The following INPP4B variants were observed in gnomAD, a reference collection of about 807,000 sequenced individuals.
INPP4B encodes the protein inositol polyphosphate-4-phosphatase type II B.
INPP4B carries 55 observed loss-of-function variants against 122.5 expected under a neutral mutation model. That is an observed-to-expected ratio of 0.45 (90% CI 0.36 to 0.56). The LOEUF (loss-of-function observed/expected upper bound fraction) is 0.56, where lower values mean the gene tolerates loss of function less well. Ranked by LOEUF, INPP4B falls within the 20% of genes least tolerant of loss-of-function variation. The probability of loss-of-function intolerance (pLI) is 0.00; values close to 1 mark genes in which losing one functional copy is unlikely to be tolerated. For synonymous variants in INPP4B, 403 were observed against 388.7 expected (o/e 1.04, Z -0.43); for missense variants, 1,000 against 1,097.7 (o/e 0.91, Z 1.26).
chr4:142,626,353 T>C, intron 2 of INPP4B, among the ~76,000 whole-genome samples: 1 of 151,970 alleles, frequency 6.6e-6, no homozygotes, highest in East Asian at 1.9e-4. Flanking sequence ...GGGACAGGGA[T>C]CTTCTTTAAG....
At chr4:142,455,760 C>T (rs956861273) in intron 3 of INPP4B, among the ~76,000 whole-genome samples, 7 of 151,976 alleles carry the variant, frequency 4.6e-5, no homozygotes, top group African/African-American at 1.7e-4. Flanking sequence ...TACTAATTTA[C>T]GTTTCCTCCA....
At chr4:142,320,735 G>T (rs1014588484) in intron 7 of INPP4B, among the ~76,000 whole-genome samples, 2 of 152,114 alleles carry the variant, frequency 1.3e-5, no homozygotes, top group Non-Finnish European at 2.9e-5. Flanking sequence ...TTATAAGTGA[G>T]AAATACTATG....
chr4:142,044,598 G>A (rs1750258686), intron 25 of INPP4B, among the ~76,000 whole-genome samples: 1 of 151,928 alleles, frequency 6.6e-6, no homozygotes, highest in African/African-American at 2.4e-5. Flanking sequence ...TGTGTTCAGA[G>A]CACTGATAGT....
intron 1 of INPP4B, among the ~76,000 whole-genome samples, chr4:142,749,092 T>C (rs1769232645): frequency 6.6e-6 from 1 of 150,948 alleles, no homozygotes; most frequent in African/African-American, 2.4e-5. Flanking sequence ...TTAGCCAAGA[T>C]TGTGCCACTG....
intron 25 of INPP4B, among the ~76,000 whole-genome samples, chr4:142,043,549 A>G (rs1344547855): frequency 6.6e-6 from 1 of 152,122 alleles, no homozygotes; most frequent in East Asian, 1.9e-4. Flanking sequence ...TATAAATAAC[A>G]TGGAAAGCCA....
chr4:142,711,442 G>C (rs1763107301), intron 2 of INPP4B, among the ~76,000 whole-genome samples: 1 of 151,840 alleles, frequency 6.6e-6, no homozygotes, highest in East Asian at 1.9e-4. Context: ...CCAGCATCTA[G>C]AATCAGTGGC....
chr4:142,792,977 A>G (rs1776757151), intron 1 of INPP4B, among the ~76,000 whole-genome samples: 1 of 151,972 alleles, frequency 6.6e-6, no homozygotes, highest in Admixed American at 6.6e-5. Flanking sequence ...TGGCAACCAA[A>G]CTCAGGAGGT....
At chr4:142,625,936 A>G (rs1746278763) in intron 2 of INPP4B, among the ~76,000 whole-genome samples, 2 of 152,210 alleles carry the variant, frequency 1.3e-5, no homozygotes, top group Non-Finnish European at 2.9e-5. Context: ...CCATATGTAG[A>G]AAGCTGAAAT....
chr4:142,423,941 A>G (rs553420727), intron 5 of INPP4B: 81 of 329,692 alleles, frequency 2.5e-4, no homozygotes, highest in Non-Finnish European at 4.5e-4. Context: ...TTCTAGAAAT[A>G]CAAGATGGCG....
chr4:142,503,125 T>C (rs1440429525), intron 2 of INPP4B, among the ~76,000 whole-genome samples: 3 of 152,164 alleles, frequency 2.0e-5, no homozygotes, highest in Non-Finnish European at 4.4e-5. Flanking sequence ...TGCAATAATA[T>C]ATAGAGTGTC....
intron 2 of INPP4B, among the ~76,000 whole-genome samples, chr4:142,497,492 T>C (rs1196657906): frequency 2.0e-5 from 3 of 152,184 alleles, no homozygotes; most frequent in African/African-American, 7.2e-5. Context: ...TACTTCCAAG[T>C]AGGTTCATAA....
Position 142,564,253 on chromosome 4 carries a change from A to G in INPP4B, c.-190-101527T>C, listed in dbSNP as rs550157136. On this transcript the variant is annotated intron_variant, in intron 2 of 25. Transcript: ENST00000262992. ...TTGCAGTTTACCTGGGGAAGCCAGG[A>G]AGGCTTGGAGCAGAGAACACCTCAG... 1.1e-4 allele frequency among the ~76,000 whole-genome samples: 16 copies of G among 152,220 alleles called. No homozygotes were observed. In the South Asian group the frequency reaches 3.3e-3, roughly 32 times the overall value.
At chr4:142,574,121 T>C (rs1299662351) in intron 2 of INPP4B, among the ~76,000 whole-genome samples, 1 of 152,100 alleles carries the variant, frequency 6.6e-6, no homozygotes, top group East Asian at 1.9e-4. Flanking sequence ...AAAGCCTTAA[T>C]AAGACTTTCA....
chr4:142,112,797 G>T, intron 21 of INPP4B, 115 bp from the exon 22 acceptor site: 1 of 854,284 alleles, frequency 1.2e-6, no homozygotes, highest in Non-Finnish European at 1.8e-6. Context: ...TTAGGTTTCT[G>T]TTGCTATATG....
At chr4:142,158,595 A>G (rs2152898267) in intron 17 of INPP4B, among the ~76,000 whole-genome samples, 1 of 152,222 alleles carries the variant, frequency 6.6e-6, no homozygotes, top group Admixed American at 6.5e-5. Flanking sequence ...GTCTTCTATC[A>G]TGTTTCTTTC....
Position 142,431,334 on chromosome 4 carries a change from G to A in INPP4B, c.-75C>T. On this transcript the variant is annotated 5_prime_UTR_variant, in exon 4 of 26. Coordinates refer to ENST00000262992, the MANE Select transcript of INPP4B (RefSeq NM_001101669.3). ...CAGTTCTAGTGATTCCTGGTTTAATGTAGATGTATCTTCACACTAAAGATC... is the reference window on the plus strand; with the variant it reads ...CAGTTCTAGTGATTCCTGGTTTAATATAGATGTATCTTCACACTAAAGATC... 5.0e-6 allele frequency: 5 copies of A among 1,007,640 alleles called. No individual in the cohort carries two copies. Among genetic ancestry groups the A allele is most frequent in the South Asian group, 1.3e-5 (1 of 74,862 alleles). The allele number at this position is 1,007,640 out of a possible 1,614,324, so 62.4% of individuals were successfully genotyped here.
chr4:142,691,944 C>A lies in INPP4B; in HGVS notation c.-191+33895G>T, dbSNP rs189931638. Among the ~76,000 whole-genome samples the A allele has an allele frequency of 4.9e-4, 74 of 152,270 alleles. No individual in the cohort carries two copies. The East Asian group carries it at 0.011, about 22-fold the overall frequency. ...GATAAATAAGAGAAACTAAGACACT[C>A]CCCTTCTAATTTAAAAATCTATGAA... On this transcript the variant is annotated intron_variant, in intron 2 of 25. Coordinates refer to ENST00000262992, the MANE Select transcript of INPP4B (RefSeq NM_001101669.3).
chr4:142,296,280 A>G (rs1271344005), intron 9 of INPP4B, among the ~76,000 whole-genome samples: 1 of 150,518 alleles, frequency 6.6e-6, no homozygotes, highest in African/African-American at 2.5e-5. Flanking sequence ...TAAATGGATT[A>G]GGAACATAAA....
In INPP4B at chr4:142,462,740, A is replaced by T. The variant is rs1357915496; in HGVS notation, c.-190-14T>A. 1.3e-5 allele frequency: 2 copies of T among 152,204 alleles called. No individual in the cohort carries two copies. The highest frequency in any genetic ancestry group is 2.9e-5 in the Non-Finnish European group (2 of 68,042). 9.4% of individuals were successfully genotyped at this position (152,204 alleles called of 1,614,324 possible). ...GGTTTCAAGGCTCTGCAAAAAACAA[A>T]ATGGAAAGAAGTCAGGATTTAGTGT... On this transcript the variant is annotated splice_polypyrimidine_tract_variant and intron_variant, in intron 2 of 25. Transcript: ENST00000262992.
Sources: gnomAD v4.1 joint callset for allele counts (sites outside exome capture counted in the v4.1 genomes callset) on GRCh38, gnomAD v4.1.1 for gene constraint, MANE v1.5 for transcripts, NCBI Gene and HGNC (gene_info 2026-07-23, HGNC 2026-07-21) for gene names.